NDRG3: variants seen among roughly 807,000 people sequenced by gnomAD.
NDRG3 encodes protein NDRG3.
In NDRG3, 23 loss-of-function variants were observed where a neutral mutation model predicts 57.2. That is an observed-to-expected ratio of 0.40 (90% confidence interval 0.29 to 0.57). The LOEUF is 0.57. NDRG3 is among the 20% of genes least tolerant of loss of function. NDRG3 has a pLI of 0.42. For missense variants in NDRG3, 384 were observed against 457.3 expected (o/e 0.84, Z 1.46); for synonymous variants, 132 against 162.6 (o/e 0.81, Z 1.43).
intron 7 of NDRG3, among the ~76,000 whole-genome samples, chr20:36,681,531 G>A (rs1311037618): frequency 6.7e-6 from 1 of 149,524 alleles, no homozygotes; most frequent in Non-Finnish European, 1.5e-5. Flanking sequence ...AGCTACTCAG[G>A]AGGCTGAGGC....
intron 4 of NDRG3, among the ~76,000 whole-genome samples, 175 bp from the exon 5 acceptor site, chr20:36,687,787 C>T (rs1032341990): frequency 6.6e-6 from 1 of 152,198 alleles, no homozygotes; most frequent in Non-Finnish European, 1.5e-5. Flanking sequence ...GAATATAAGA[C>T]ATCTCATATT....
At position 36,653,451 on chromosome 20, in the gene NDRG3, T is replaced by C. The variant is rs1978378972; in HGVS notation, c.*69A>G. 7.1e-7 allele frequency: 1 copy of C among 1,418,148 alleles called. No individual in the cohort carries two copies. Among genetic ancestry groups the C allele is most frequent in the African/African-American group, 1.4e-5 (1 of 70,830 alleles). 87.8% of individuals were successfully genotyped at this position (1,418,148 alleles called of 1,614,324 possible). ...AGATAGTAGAGGCCAGTTTACTGGA[T>C]GAAATGTTATATTATGGAGTGGTCA... On this transcript the variant is annotated 3_prime_UTR_variant, in exon 16 of 16. Transcript: ENST00000349004. The surrounding 1 kb of genome is among the most constrained non-coding windows in gnomAD (Gnocchi z 4.2).
At chr20:36,694,782 G>A (rs1024381155) in intron 3 of NDRG3, among the ~76,000 whole-genome samples, 2 of 151,762 alleles carry the variant, frequency 1.3e-5, no homozygotes, top group African/African-American at 2.4e-5. Flanking sequence ...TTTTGAGACA[G>A]GGTCTCATTC....
At chr20:36,687,953 A>C (rs1481375358) in intron 4 of NDRG3, among the ~76,000 whole-genome samples, 1 of 152,240 alleles carries the variant, frequency 6.6e-6, no homozygotes, top group African/African-American at 2.4e-5. Flanking sequence ...TCTCACAAAC[A>C]GACACTGATT....
At chr20:36,745,480 C>T (rs947417288) in intron 1 of NDRG3, among the ~76,000 whole-genome samples, 1 of 152,204 alleles carries the variant, frequency 6.6e-6, no homozygotes, top group Non-Finnish European at 1.5e-5. Flanking sequence ...GCTGCGTGAC[C>T]TTGGGCATGG....
chr20:36,708,480 T>C (rs946487211), intron 2 of NDRG3, among the ~76,000 whole-genome samples: 4 of 151,452 alleles, frequency 2.6e-5, no homozygotes, highest in Non-Finnish European at 5.9e-5. Context: ...TGAAACCTCA[T>C]CTCTACTAAA....
At chr20:36,692,206 A>C (rs950481784) in intron 3 of NDRG3, among the ~76,000 whole-genome samples, 5 of 152,118 alleles carry the variant, frequency 3.3e-5, no homozygotes, top group African/African-American at 9.7e-5. Context: ...AAGAACCAAC[A>C]TATACTGTTT....
At chr20:36,738,470 T>C (rs1255233616) in intron 1 of NDRG3, among the ~76,000 whole-genome samples, 2 of 148,728 alleles carry the variant, frequency 1.3e-5, no homozygotes, top group Non-Finnish European at 3.0e-5. Context: ...ACCACTTCAC[T>C]CTAGACCGGG....
intron 10 of NDRG3, among the ~76,000 whole-genome samples, 196 bp downstream of exon 10, chr20:36,666,093 G>T (rs118069503): frequency 0.013 from 1,941 of 152,176 alleles, 18 homozygotes; most frequent in Middle Eastern, 0.02. Flanking sequence ...CTCCTTACTG[G>T]CTGTATAATT....
intron 8 of NDRG3, among the ~76,000 whole-genome samples, chr20:36,680,137 A>G (rs1318847155): frequency 6.6e-6 from 1 of 151,710 alleles, no homozygotes; most frequent in Admixed American, 6.6e-5. Context: ...ACTGTAATTT[A>G]GAACTACTGC....
At chr20:36,727,067 C>T (rs1016733767) in intron 1 of NDRG3, among the ~76,000 whole-genome samples, 2 of 151,986 alleles carry the variant, frequency 1.3e-5, no homozygotes, top group African/African-American at 4.8e-5. Flanking sequence ...TAGGCGCATG[C>T]CTCCATGCCC....
At chr20:36,663,397 T>C (rs999197168) in intron 12 of NDRG3, among the ~76,000 whole-genome samples, 5 of 152,256 alleles carry the variant, frequency 3.3e-5, no homozygotes, top group Admixed American at 6.5e-5. Context: ...CCATAATGTT[T>C]TGCTCTATTT....
At chr20:36,693,814 C>T (rs951561376) in intron 3 of NDRG3, among the ~76,000 whole-genome samples, 1 of 151,696 alleles carries the variant, frequency 6.6e-6, no homozygotes, top group Non-Finnish European at 1.5e-5. Context: ...AGGGCTCCAA[C>T]AGATTCTACA....
chr20:36,671,801 CAA>C (rs1182073175), intron 8 of NDRG3, among the ~76,000 whole-genome samples: 4 of 57,512 alleles, frequency 7.0e-5, no homozygotes, highest in Non-Finnish European at 7.4e-5. Flanking sequence ...GACTCCGTCT[CAA>C]AAAAAAAAAA....
At chr20:36,710,574 C>T (rs913449279) in intron 2 of NDRG3, among the ~76,000 whole-genome samples, 6 of 151,898 alleles carry the variant, frequency 4.0e-5, no homozygotes, top group African/African-American at 1.2e-4. Flanking sequence ...TTTGGGAAGC[C>T]GAGGCGGATA....
At chr20:36,664,895 C>T in intron 12 of NDRG3, 151 bp downstream of exon 12, 1 of 782,490 alleles carries the variant, frequency 1.3e-6, no homozygotes, top group Non-Finnish European at 2.3e-6. Flanking sequence ...CACTGTGTTG[C>T]CCAGGCTGGT....
chr20:36,704,662 C>T (rs540543880), intron 3 of NDRG3, among the ~76,000 whole-genome samples: 5 of 152,202 alleles, frequency 3.3e-5, no homozygotes, highest in South Asian at 2.1e-4. Context: ...TAAAAAATAA[C>T]GTAACTTATT....
chr20:36,738,110 TATTATC>T (rs1985701658), intron 1 of NDRG3, among the ~76,000 whole-genome samples: 1 of 152,028 alleles, frequency 6.6e-6, no homozygotes, highest in Admixed American at 6.6e-5. Context: ...TAGGTATCGT[TATTATC>T]ATTACTACTT....
At chr20:36,684,565 A>G in intron 5 of NDRG3, 90 bp from the exon 6 acceptor site, 1 of 1,166,640 alleles carries the variant, frequency 8.6e-7, no homozygotes, top group Non-Finnish European at 1.3e-6. Context: ...GTCTTAGATA[A>G]AAGGCTGAGC....
Sources: gnomAD v4.1 joint callset for allele counts (sites outside exome capture counted in the v4.1 genomes callset) on GRCh38, gnomAD v4.1.1 for gene constraint, Gnocchi (gnomAD v3.1) non-coding constraint, MANE v1.5 for transcripts, NCBI Gene and HGNC (gene_info 2026-07-23, HGNC 2026-07-21) for gene names.